DLG2: variants seen among roughly 807,000 people sequenced by gnomAD.
The protein encoded by DLG2 is disks large homolog 2.
Under a neutral mutation model 132.5 loss-of-function variants are expected in DLG2, and 45 were observed. That is an observed-to-expected ratio of 0.34 (90% CI 0.27 to 0.44). DLG2 has a LOEUF of 0.44. DLG2 is among the 20% of genes least tolerant of loss of function. The pLI is 1.00. For synonymous variants in DLG2, 424 were observed against 419.6 expected (o/e 1.01, Z -0.13); for missense variants, 1,045 against 1,196.9 (o/e 0.87, Z 1.87).
intron 6 of DLG2, among the ~76,000 whole-genome samples, chr11:84,708,108 C>G (rs895108235): frequency 2.0e-5 from 3 of 151,686 alleles, no homozygotes; most frequent in African/African-American, 7.3e-5. Context: ...CCAAATAGTT[C>G]TTTGATCATC....
chr11:84,575,982 G>T (rs1201143566), intron 6 of DLG2, among the ~76,000 whole-genome samples: 3 of 152,152 alleles, frequency 2.0e-5, no homozygotes, highest in African/African-American at 7.2e-5. Context: ...CCTTGCCTAA[G>T]ACTTTGAACC....
At chr11:83,521,620 C>G (rs1228634351) in intron 21 of DLG2, among the ~76,000 whole-genome samples, 1 of 152,170 alleles carries the variant, frequency 6.6e-6, no homozygotes, top group East Asian at 1.9e-4. Flanking sequence ...GGTCTGGACT[C>G]TGCCAAGTTT....
intron 2 of DLG2, among the ~76,000 whole-genome samples, chr11:85,600,240 C>T (rs183980474): frequency 6.6e-6 from 1 of 152,332 alleles, no homozygotes; most frequent in Non-Finnish European, 1.5e-5. Context: ...TATATCCTCT[C>T]TTGCTTACTC....
intron 19 of DLG2, among the ~76,000 whole-genome samples, chr11:83,567,361 T>C (rs1319519177): frequency 6.6e-6 from 1 of 152,162 alleles, no homozygotes; most frequent in Non-Finnish European, 1.5e-5. Flanking sequence ...GAAATAGCAA[T>C]AGAATAAAAA....
At chr11:84,995,884 G>C (rs747641298) in intron 6 of DLG2, among the ~76,000 whole-genome samples, 3 of 152,094 alleles carry the variant, frequency 2.0e-5, no homozygotes, top group Non-Finnish European at 1.5e-5. Context: ...TTTCCACAGA[G>C]ATACCTGCTT....
intron 7 of DLG2, among the ~76,000 whole-genome samples, chr11:84,474,579 TC>T (rs1244971082): frequency 1.3e-5 from 2 of 151,992 alleles, no homozygotes; most frequent in Non-Finnish European, 2.9e-5. Context: ...GAGATAGGAT[TC>T]CCATTCTATA....
At chr11:84,752,837 C>T (rs1017809444) in intron 6 of DLG2, among the ~76,000 whole-genome samples, 1 of 146,968 alleles carries the variant, frequency 6.8e-6, no homozygotes, top group African/African-American at 2.5e-5. Context: ...TTTGTTCTTG[C>T]GATAGTTTAC....
At chr11:83,967,274 T>C (rs1325243911) in intron 12 of DLG2, among the ~76,000 whole-genome samples, 2 of 152,094 alleles carry the variant, frequency 1.3e-5, no homozygotes, top group Admixed American at 6.6e-5. Flanking sequence ...CTGGGTAACA[T>C]GGTAAATCTA....
intron 4 of DLG2, among the ~76,000 whole-genome samples, chr11:85,271,816 T>C (rs574132013): frequency 2.0e-5 from 3 of 152,340 alleles, no homozygotes; most frequent in South Asian, 2.1e-4. Context: ...CTATTGTATC[T>C]AGGAAGCAAC....
At chr11:83,535,999 G>A (rs1006083329) in intron 20 of DLG2, among the ~76,000 whole-genome samples, 2 of 152,080 alleles carry the variant, frequency 1.3e-5, no homozygotes, top group Non-Finnish European at 2.9e-5. Flanking sequence ...CTCAGTTTGG[G>A]AAACAGCATT....
intron 3 of DLG2, among the ~76,000 whole-genome samples, chr11:85,498,391 A>G (rs998002828): frequency 2.0e-5 from 3 of 152,230 alleles, no homozygotes; most frequent in African/African-American, 7.2e-5. Flanking sequence ...TATCCTAAAT[A>G]TATATGCACC....
chr11:83,570,827 G>A lies in DLG2; in HGVS notation c.1941-28969C>T, dbSNP rs181614108. Among the ~76,000 whole-genome samples the A allele has an allele frequency of 1.7e-3, 252 of 152,220 alleles. 1 individual carries two copies. The highest frequency in any genetic ancestry group is 5.8e-3 in the African/African-American group (243 of 41,542). On this transcript the variant is annotated intron_variant, in intron 19 of 27. Coordinates refer to ENST00000376104, the MANE Select transcript of DLG2 (RefSeq NM_001142699.3). ...GAAGAACTTCAGGTAAATAGTAAAG[G>A]AGGAAAAGGGTATAGGGATCTATGC...
At chr11:83,487,345 G>A (rs1366957372) in intron 21 of DLG2, among the ~76,000 whole-genome samples, 1 of 151,984 alleles carries the variant, frequency 6.6e-6, no homozygotes, top group African/African-American at 2.4e-5. Context: ...CATTTATTGA[G>A]CACTTATGTG....
intron 6 of DLG2, among the ~76,000 whole-genome samples, chr11:84,589,971 C>T (rs2099538939): frequency 6.6e-6 from 1 of 152,178 alleles, no homozygotes; most frequent in African/African-American, 2.4e-5. Context: ...AGTGTACCAC[C>T]TATGTTTAAT....
intron 7 of DLG2, among the ~76,000 whole-genome samples, chr11:84,348,103 TATC>T (rs763574316): frequency 4.3e-4 from 65 of 152,172 alleles, no homozygotes; most frequent in Non-Finnish European, 7.9e-4. Context: ...GCTCAACAAA[TATC>T]ATATAGTGTC....
At chr11:83,878,415 G>A (rs776608918) in intron 15 of DLG2, among the ~76,000 whole-genome samples, 1 of 152,118 alleles carries the variant, frequency 6.6e-6, no homozygotes, top group Non-Finnish European at 1.5e-5. Context: ...GGAAAAAAGT[G>A]CTTGCTCCTC....
At chr11:85,335,377 A>G (rs1181471568) in intron 3 of DLG2, among the ~76,000 whole-genome samples, 3 of 151,752 alleles carry the variant, frequency 2.0e-5, no homozygotes, top group African/African-American at 7.3e-5. Context: ...CCAATTTGCC[A>G]CTCTTTGCCT....
intron 15 of DLG2, among the ~76,000 whole-genome samples, chr11:83,886,341 G>C (rs1434975141): frequency 6.6e-6 from 1 of 152,230 alleles, no homozygotes; most frequent in African/African-American, 2.4e-5. Context: ...AAGATCAAAA[G>C]AGACAAAGAA....
chr11:84,162,544 A>G (rs1460308344), intron 9 of DLG2, among the ~76,000 whole-genome samples: 2 of 152,070 alleles, frequency 1.3e-5, no homozygotes, highest in Non-Finnish European at 2.9e-5. Flanking sequence ...ATGTTTTTCA[A>G]TCTTCACTAT....
Sources: gnomAD v4.1 joint callset for allele counts (sites outside exome capture counted in the v4.1 genomes callset) on GRCh38, gnomAD v4.1.1 for gene constraint, MANE v1.5 for transcripts, NCBI Gene and HGNC (gene_info 2026-07-23, HGNC 2026-07-21) for gene names.